IL19: variants seen among roughly 807,000 people sequenced by gnomAD.
IL19 encodes interleukin 19.
Under a neutral mutation model 19.5 loss-of-function variants are expected in IL19, and 15 were observed. The ratio of observed to expected loss-of-function variants is 0.77; its 90% CI spans 0.52 to 1.19. IL19 has a LOEUF of 1.19. IL19 is among the 50% of genes most tolerant of loss of function. The pLI, the probability that IL19 is intolerant of heterozygous loss-of-function variation, is 0.00. For synonymous variants in IL19, 78 were observed against 78.3 expected (o/e 1.00, Z 0.02); for missense variants, 199 against 213.1 (o/e 0.93, Z 0.41).
chr1:206,787,243 C>T (rs930428648), intron 1 of IL19, among the ~76,000 whole-genome samples: 1 of 152,180 alleles, frequency 6.6e-6, no homozygotes, highest in Admixed American at 6.5e-5. Context: ...CTTCCATGAG[C>T]CTTCCTTTAA....
In IL19 at chr1:206,773,515, G is replaced by T. The variant is rs539054546; in HGVS notation, c.-149+2437G>T. ...AGGATTCCATGGAGGCTGGATAGGA[G>T]GTCCCTTACTTTCCTCTTACCTATC... On this transcript the variant is annotated intron_variant, in intron 1 of 6. Transcript: ENST00000659997. Among the ~76,000 whole-genome samples, 53 of 152,068 alleles carry T rather than the reference G, an allele frequency of 3.5e-4. 2 individuals are homozygous for T. In the South Asian group the frequency reaches 7.9e-3, roughly 23 times the overall value.
At chr1:206,808,506 T>C (rs1264169755) in intron 2 of IL19, among the ~76,000 whole-genome samples, 10 of 147,788 alleles carry the variant, frequency 6.8e-5, no homozygotes, top group African/African-American at 2.6e-4. Flanking sequence ...TGTGCGTGTG[T>C]GTGTGTGTGT....
intron 2 of IL19, among the ~76,000 whole-genome samples, chr1:206,799,984 A>T (rs1348335062): frequency 5.3e-5 from 8 of 152,172 alleles, no homozygotes; most frequent in African/African-American, 1.9e-4. Flanking sequence ...GTTTATCTCC[A>T]TATATTTCAC....
intron 2 of IL19, among the ~76,000 whole-genome samples, chr1:206,827,034 C>T (rs967161175): frequency 6.6e-5 from 10 of 152,194 alleles, no homozygotes; most frequent in East Asian, 1.9e-4. Flanking sequence ...CGTTGTGATA[C>T]GCTTATGTTG....
At chr1:206,789,820 A>G (rs79823506) in intron 1 of IL19, among the ~76,000 whole-genome samples, 283 of 152,326 alleles carry the variant, frequency 1.9e-3, no homozygotes, top group African/African-American at 6.4e-3. Flanking sequence ...AAGTGAGAAC[A>G]TGTGGCATTT....
chr1:206,842,286 T>G lies in IL19; in HGVS notation c.439-241T>G, dbSNP rs1290325490. 6.6e-5 allele frequency among the ~76,000 whole-genome samples: 10 copies of G among 152,092 alleles called. No individual in the cohort carries two copies. In the East Asian group the frequency reaches 1.5e-3, roughly 23 times the overall value. On this transcript the variant is annotated intron_variant, in intron 6 of 6. Coordinates refer to ENST00000659997, the MANE Select transcript of IL19 (RefSeq NM_153758.5). ...GAAAAAAAAACCTGAGGGAAAAGAA[T>G]GAAGAATTTTAAAGTTCTGTTTATA...
chr1:206,836,196 G>A (rs1458971599), intron 2 of IL19, among the ~76,000 whole-genome samples: 1 of 152,104 alleles, frequency 6.6e-6, no homozygotes. Context: ...ATAATAAAAG[G>A]GTGTTACTTA....
At chr1:206,776,443 T>TGTGTGC (rs1553437844) in intron 1 of IL19, among the ~76,000 whole-genome samples, 5 of 151,988 alleles carry the variant, frequency 3.3e-5, no homozygotes, top group African/African-American at 1.2e-4. Context: ...TGTGTGTGTG[T>TGTGTGC]GTGTGTGTGT....
rs1244020715 is a variant in IL19, at chr1:206,771,093, G to A, written c.-149+15G>A. 2 of 1,612,798 alleles carry A rather than the reference G, an allele frequency of 1.2e-6. No individual in the cohort carries two copies. The highest frequency in any genetic ancestry group is 2.2e-5 in the South Asian group (2 of 91,056). ...AGGAGCCAAAGGTGAGTGAGAGATT[G>A]GCGGAGGTGGCTGGGAGGAGGGGCT... On this transcript the variant is annotated intron_variant, in intron 1 of 6. Coordinates refer to ENST00000659997, the MANE Select transcript of IL19 (RefSeq NM_153758.5).
At chr1:206,815,136 T>C (rs1022417312) in intron 2 of IL19, among the ~76,000 whole-genome samples, 1 of 152,186 alleles carries the variant, frequency 6.6e-6, no homozygotes, top group South Asian at 2.1e-4. Flanking sequence ...GCCAGAGCAG[T>C]GGGCTGTGAA....
chr1:206,798,890 C>T lies in IL19; in HGVS notation c.-119C>T, dbSNP rs1343084189. On this transcript the variant is annotated 5_prime_UTR_variant, in exon 2 of 7. The change creates a premature stop within an existing upstream ORF in the 5' untranslated region. Transcript: ENST00000659997. ...GTGCTTGCACACACTGACAGGAGTC[C>T]AAGAATGTGCACTGAGGGAGCGTTT... 3 of 1,606,204 alleles carry T rather than the reference C, an allele frequency of 1.9e-6. No homozygotes were observed. In the Admixed American group the frequency reaches 5.0e-5, roughly 27 times the overall value.
At chr1:206,801,357 T>C (rs2102461125) in intron 2 of IL19, among the ~76,000 whole-genome samples, 1 of 152,306 alleles carries the variant, frequency 6.6e-6, no homozygotes, top group South Asian at 2.1e-4. Context: ...CTCATGTGCC[T>C]GGAGGCGGGG....
chr1:206,822,920 T>C (rs1676324015), intron 2 of IL19, among the ~76,000 whole-genome samples: 1 of 151,870 alleles, frequency 6.6e-6, no homozygotes, highest in African/African-American at 2.4e-5. Flanking sequence ...GCATGGATCC[T>C]TTCTTTTTCT....
intron 2 of IL19, among the ~76,000 whole-genome samples, chr1:206,805,773 T>C (rs978309515): frequency 6.6e-6 from 1 of 152,242 alleles, no homozygotes; most frequent in African/African-American, 2.4e-5. Context: ...AGAAGCCATA[T>C]GTAGAAAATA....
At chr1:206,838,467 C>T (rs1676875721) in intron 4 of IL19, among the ~76,000 whole-genome samples, 1 of 152,208 alleles carries the variant, frequency 6.6e-6, no homozygotes, top group Non-Finnish European at 1.5e-5. Context: ...GATGTAGCCA[C>T]TTACTAAATA....
rs187396605 is a variant in IL19 at position 206,826,967 on chromosome 1, G to A, written c.-2-9694G>A. ...CTCCACCACTACTCAGTTGTCTGAC[G>A]AAGGAAACAGAAAGTTGTGATACAA... is the stretch of plus-strand genomic sequence containing the variant. On this transcript the variant is annotated intron_variant, in intron 2 of 6. Coordinates refer to ENST00000659997, the MANE Select transcript of IL19 (RefSeq NM_153758.5). Among the ~76,000 whole-genome samples, 597 of 152,340 alleles carry A rather than the reference G, an allele frequency of 3.9e-3. 1 individual carries two copies. Among genetic ancestry groups the A allele is most frequent in the Non-Finnish European group, 6.3e-3 (431 of 68,026 alleles).
At chr1:206,840,408 C>A (rs942945075) in intron 5 of IL19, 2 of 311,762 alleles carry the variant, frequency 6.4e-6, no homozygotes, top group Admixed American at 4.5e-5. Context: ...AAATTCATTG[C>A]GATCTATTTA....
At chr1:206,783,352 C>T (rs1675191462) in intron 1 of IL19, among the ~76,000 whole-genome samples, 1 of 152,164 alleles carries the variant, frequency 6.6e-6, no homozygotes, top group Admixed American at 6.5e-5. Flanking sequence ...TAAAAGTATT[C>T]TTTTTAAGAT....
chr1:206,788,982 C>T (rs112553481), intron 1 of IL19, among the ~76,000 whole-genome samples: 23 of 152,348 alleles, frequency 1.5e-4, no homozygotes, highest in African/African-American at 5.3e-4. Context: ...TTTACCATCT[C>T]ATCTGCTGAT....
Sources: gnomAD v4.1 joint callset for allele counts (sites outside exome capture counted in the v4.1 genomes callset) on GRCh38, gnomAD v4.1.1 for gene constraint, MANE v1.5 for transcripts, NCBI Gene and HGNC (gene_info 2026-07-23, HGNC 2026-07-21) for gene names.